Variants in CPED1 observed in about 807,000 individuals in gnomAD.
CPED1 encodes the protein cadherin-like and PC-esterase domain-containing protein 1.
CPED1 carries 114 observed loss-of-function variants against 128.2 expected under a neutral mutation model. That is an observed-to-expected ratio of 0.89 (90% CI 0.76 to 1.04). The LOEUF (loss-of-function observed/expected upper bound fraction) is 1.04, where lower values mean the gene tolerates loss of function less well. Among genes scored for constraint, CPED1 ranks in the 50% least tolerant of loss-of-function variants. The pLI is 0.00. For synonymous variants in CPED1, 462 were observed against 426.7 expected (o/e 1.08, Z -1.02); for missense variants, 1,211 against 1,207.1 (o/e 1.00, Z -0.05).
At position 121,266,745 on chromosome 7, in the gene CPED1, T is replaced by C. The variant is rs767355698; in HGVS notation, c.2570T>C (p.Val857Ala). 10 of 1,612,916 alleles carry C rather than the reference T, an allele frequency of 6.2e-6. No individual in the cohort carries two copies. The Admixed American group carries it at 1.0e-4, about 16-fold the overall frequency. The stretch of plus-strand genomic sequence containing the variant: ...GAGAATACTGGCCAGACTGTATTGG[T>C]TGTTGGTGGTGTTCAGTGGCTTAAT... The part of the protein sequence containing the change: ...PLENTGQTVL[V>A]VGGVQWLNSN... Residue 857 changes from valine (V) to alanine (A), a missense_variant, in exon 20 of 23, where the codon GTT becomes GCT. Physicochemically the swap from Val to Ala is moderately conservative, Grantham distance 64. Transcript: ENST00000310396.
intron 16 of CPED1, among the ~76,000 whole-genome samples, chr7:121,221,087 G>A (rs546914218): frequency 2.8e-4 from 42 of 152,078 alleles, no homozygotes; most frequent in African/African-American, 8.7e-4. Context: ...ATTTACATTA[G>A]GTATTTCTCC....
Position 121,133,894 on chromosome 7 carries a change from G to A in CPED1, c.1648+1G>A. 2 of 1,532,212 alleles carry A rather than the reference G, an allele frequency of 1.3e-6. No homozygotes were observed. Among genetic ancestry groups the A allele is most frequent in the Non-Finnish European group, 1.8e-6 (2 of 1,115,456 alleles). 94.9% of individuals were successfully genotyped at this position (1,532,212 alleles called of 1,614,324 possible). A position where few individuals can be genotyped will look rare whatever the true frequency, so the allele number is the denominator to read the frequency against. ...TTTGATGCAATAGAAAATAAAAAAGGTAAAAATATAGATATTCCCACTTAT... is the reference window on the plus strand; with the variant it reads ...TTTGATGCAATAGAAAATAAAAAAGATAAAAATATAGATATTCCCACTTAT... On this transcript the variant is annotated splice_donor_variant, in intron 13 of 22. Coordinates refer to ENST00000310396, the MANE Select transcript of CPED1 (RefSeq NM_024913.5). LOFTEE classifies it high-confidence loss of function.
intron 5 of CPED1, among the ~76,000 whole-genome samples, chr7:121,070,731 A>C (rs186409882): frequency 1.5e-3 from 221 of 152,206 alleles, no homozygotes; most frequent in African/African-American, 4.8e-3. Flanking sequence ...CATCTCTACC[A>C]TGACCAGCCT....
At chr7:121,087,635 C>T (rs1794458884) in intron 5 of CPED1, among the ~76,000 whole-genome samples, 1 of 147,894 alleles carries the variant, frequency 6.8e-6, no homozygotes, top group South Asian at 2.1e-4. Context: ...AGAGTTCAAG[C>T]TCAAGGATTC....
At chr7:121,248,431 C>T (rs1014068280) in intron 18 of CPED1, among the ~76,000 whole-genome samples, 4 of 152,050 alleles carry the variant, frequency 2.6e-5, no homozygotes, top group African/African-American at 9.7e-5. Flanking sequence ...TGACCTCTCT[C>T]CCCACCATAC....
intron 5 of CPED1, 134 bp downstream of exon 5, chr7:121,064,447 C>T: frequency 1.6e-6 from 1 of 624,242 alleles, no homozygotes; most frequent in Non-Finnish European, 2.9e-6. Context: ...AGATCTTCCG[C>T]AGTTCACAAC....
At chr7:121,152,425 T>C (rs1486490856) in intron 16 of CPED1, among the ~76,000 whole-genome samples, 1 of 152,220 alleles carries the variant, frequency 6.6e-6, no homozygotes, top group Non-Finnish European at 1.5e-5. Context: ...TTTCTTTGAG[T>C]GAAATAATCC....
chr7:121,271,410 T>C lies in CPED1; in HGVS notation c.2848T>C (p.Cys950Arg). 1 of 1,612,774 alleles carries C rather than the reference T, an allele frequency of 6.2e-7. No individual in the cohort carries two copies. Among genetic ancestry groups the C allele is most frequent in the Non-Finnish European group, 8.5e-7 (1 of 1,179,172 alleles). ...TTACAAAGAGTTTCTACAGGGGAAGTGTGGATGTCATTTCCATGAGGTATT... is the reference window on the plus strand; with the variant it reads ...TTACAAAGAGTTTCTACAGGGGAAGCGTGGATGTCATTTCCATGAGGTATT... ...GRYKEFLQGKCGCHFHEVVKS... is the reference protein window; with the variant it reads ...GRYKEFLQGKRGCHFHEVVKS... The change falls in exon 22 of 23, where the codon TGT (cysteine) becomes CGT (arginine). Residue 950 changes from cysteine (C) to arginine (R), a missense_variant. Physicochemically the swap from Cys to Arg is radical, Grantham distance 180. Coordinates refer to ENST00000310396, the MANE Select transcript of CPED1 (RefSeq NM_024913.5).
chr7:121,108,112 G>T (rs1264032340), intron 7 of CPED1, among the ~76,000 whole-genome samples: 2 of 152,030 alleles, frequency 1.3e-5, no homozygotes, highest in East Asian at 3.8e-4. Context: ...TTGCCCCCTA[G>T]TGGTCTTTTT....
intron 13 of CPED1, 54 bp downstream of exon 13, chr7:121,133,947 C>T (rs1795730659): frequency 2.0e-6 from 2 of 976,914 alleles, no homozygotes; most frequent in Non-Finnish European, 3.1e-6. Context: ...TATTTCCTGG[C>T]AAAAAAATGC....
intron 3 of CPED1, among the ~76,000 whole-genome samples, chr7:121,021,249 A>G (rs2116829659): frequency 6.6e-6 from 1 of 152,060 alleles, no homozygotes; most frequent in East Asian, 1.9e-4. Context: ...TGTTGTGGAA[A>G]ATATAAAAAG....
At chr7:121,295,140 AACACACAC>A (rs35927183) in intron 22 of CPED1, among the ~76,000 whole-genome samples, 16 of 145,868 alleles carry the variant, frequency 1.1e-4, no homozygotes, top group Middle Eastern at 7.0e-3. Context: ...CTGGCCTGAA[AACACACAC>A]ACACACACAC....
At chr7:121,090,173 G>A (rs191537850) in intron 5 of CPED1, among the ~76,000 whole-genome samples, 22 of 152,244 alleles carry the variant, frequency 1.4e-4, no homozygotes, top group Admixed American at 6.5e-4. Context: ...CATGGCTTGC[G>A]TTTACTGAGT....
At position 121,024,928 on chromosome 7, in the gene CPED1, C is replaced by G. The variant is rs1443909942; in HGVS notation, c.433+9080C>G. ...GGAGACTCCAGGTACAGGGTGTTTG[C>G]TACGCCAATGCATTATCCAGTTTAG... On this transcript the variant is annotated intron_variant, in intron 3 of 22. Coordinates refer to ENST00000310396, the MANE Select transcript of CPED1 (RefSeq NM_024913.5). Among the ~76,000 whole-genome samples, 3 of 152,118 alleles carry G rather than the reference C, an allele frequency of 2.0e-5. No individual in the cohort carries two copies. In the East Asian group the frequency reaches 5.8e-4, roughly 29 times the overall value.
At chr7:121,017,854 A>G (rs533277651) in intron 3 of CPED1, among the ~76,000 whole-genome samples, 3 of 152,264 alleles carry the variant, frequency 2.0e-5, no homozygotes, top group East Asian at 3.9e-4. Flanking sequence ...AGCCAAAGGA[A>G]CTGCTGGGCC....
At chr7:121,115,269 A>G (rs968571337) in intron 7 of CPED1, among the ~76,000 whole-genome samples, 1 of 152,218 alleles carries the variant, frequency 6.6e-6, no homozygotes, top group Non-Finnish European at 1.5e-5. Context: ...AAAATAGCCC[A>G]TGTAAAAGAA....
At chr7:121,039,630 T>C (rs1200266485) in intron 3 of CPED1, among the ~76,000 whole-genome samples, 4 of 152,068 alleles carry the variant, frequency 2.6e-5, no homozygotes, top group African/African-American at 9.7e-5. Context: ...GACAATAGTC[T>C]TGAAAGCAGT....
chr7:121,104,060 T>C (rs908111399), intron 7 of CPED1, among the ~76,000 whole-genome samples: 2 of 152,134 alleles, frequency 1.3e-5, no homozygotes, highest in Non-Finnish European at 2.9e-5. Context: ...TGTTCAAACC[T>C]AAAATCAGAG....
In CPED1 at chr7:121,149,529, C is replaced by A. The variant is rs140588976; in HGVS notation, c.2055+7388C>A. On this transcript the variant is annotated intron_variant, in intron 16 of 22. Coordinates refer to ENST00000310396, the MANE Select transcript of CPED1 (RefSeq NM_024913.5). ...TTTTGCATGTTTCTCCAACTCACATCTGCTTCCTCTGCTAGAAGAAGCAAA... is the reference window on the plus strand; with the variant it reads ...TTTTGCATGTTTCTCCAACTCACATATGCTTCCTCTGCTAGAAGAAGCAAA... The A allele has an allele frequency of 2.0e-5, 3 of 152,346 alleles. No homozygotes were observed. In the East Asian group the frequency reaches 5.8e-4, roughly 29 times the overall value. 9.4% of individuals were successfully genotyped at this position (152,346 alleles called of 1,614,324 possible).
Sources: allele counts gnomAD v4.1 joint callset (sites outside exome capture counted in the v4.1 genomes callset), GRCh38; gene constraint gnomAD v4.1.1; transcripts MANE v1.5; gene names NCBI Gene and HGNC (gene_info 2026-07-23, HGNC 2026-07-21).